Variants in COL18A1 observed in about 807,000 individuals in gnomAD.
COL18A1 encodes the protein collagen type XVIII alpha 1 chain, also known as collagen alpha-1(XVIII) chain.
A neutral mutation model predicts 168.0 loss-of-function variants in COL18A1; 133 were observed. The ratio of observed to expected loss-of-function variants is 0.79; its 90% CI spans 0.69 to 0.91. COL18A1 has a LOEUF of 0.91. COL18A1 is among the 40% of genes least tolerant of loss of function. The pLI, the probability that COL18A1 is intolerant of heterozygous loss-of-function variation, is 0.00. For synonymous variants in COL18A1, 949 were observed against 809.0 expected (o/e 1.17, Z -2.94); for missense variants, 2,126 against 1,925.4 (o/e 1.10, Z -1.95).
rs552610039 is a variant in COL18A1, at chr21:45,448,528, C to T, written c.107-19714C>T. 2.2e-3 allele frequency among the ~76,000 whole-genome samples: 331 copies of T among 152,380 alleles called. 5 individuals are homozygous for T. The highest frequency in any genetic ancestry group is 3.3e-3 in the Non-Finnish European group (224 of 68,040). ...CCATATCCACACATCCGTGTACACG[C>T]GCACACGTGTGCTTCTGCATACCCA... On this transcript the variant is annotated intron_variant, in intron 2 of 41. Coordinates refer to ENST00000651438, the MANE Select transcript of COL18A1 (RefSeq NM_001379500.1).
At chr21:45,413,861 A>G (rs1220346911) in intron 2 of COL18A1, among the ~76,000 whole-genome samples, 1 of 152,058 alleles carries the variant, frequency 6.6e-6, no homozygotes, top group African/African-American at 2.4e-5. Context: ...TAGGTGTGGG[A>G]TTGGAGGGGT....
At chr21:45,509,678 C>T in intron 39 of COL18A1, 77 bp downstream of exon 39, 3 of 846,860 alleles carry the variant, frequency 3.5e-6, no homozygotes, top group Non-Finnish European at 3.9e-6. Flanking sequence ...CCAGCCCCTG[C>T]AGAGCTGCTG....
At position 45,421,482 on chromosome 21, in the gene COL18A1, C is replaced by A. The variant is rs59864413; in HGVS notation, c.106+16009C>A. 4.3e-4 allele frequency: 231 copies of A among 534,548 alleles called. 3 individuals carry two copies. The highest frequency in any genetic ancestry group is 4.0e-3 in the African/African-American group (210 of 52,082). The allele number at this position is 534,548 out of a possible 1,614,324, so 33.1% of individuals were successfully genotyped here. A position where few individuals can be genotyped will look rare whatever the true frequency, so the allele number is the denominator to read the frequency against. On this transcript the variant is annotated intron_variant, in intron 2 of 41. Transcript: ENST00000651438. Reference sequence around the variant, plus strand: ...GCGTCTCAGGAGCGGAGCAGGACACCGCGTTTCTGGCTGTGCAAGGCTCCA... The same window carrying A: ...GCGTCTCAGGAGCGGAGCAGGACACAGCGTTTCTGGCTGTGCAAGGCTCCA...
At position 45,443,740 on chromosome 21, in the gene COL18A1, G is replaced by C. The variant is rs1338339049; in HGVS notation, c.107-24502G>C. ...AATCAAGTGCCAATTTCCTGGTGAA[G>C]AGTCTTTATGAGAGCAATGCGGCCC... On this transcript the variant is annotated intron_variant, in intron 2 of 41. Coordinates refer to ENST00000651438, the MANE Select transcript of COL18A1 (RefSeq NM_001379500.1). The surrounding 1 kb of genome is among the most constrained non-coding windows in gnomAD (Gnocchi z 5.2). Among the ~76,000 whole-genome samples the C allele has an allele frequency of 6.6e-6, 1 of 152,234 alleles. No homozygotes were observed. Among genetic ancestry groups the C allele is most frequent in the Non-Finnish European group, 1.5e-5 (1 of 68,036 alleles).
intron 3 of COL18A1, among the ~76,000 whole-genome samples, chr21:45,470,612 A>G (rs1254488121): frequency 6.7e-6 from 1 of 149,024 alleles, no homozygotes; most frequent in Admixed American, 6.7e-5. Context: ...TCAGCCTCCC[A>G]AGTAGCTGGG....
chr21:45,459,301 G>A (rs1380496455), intron 2 of COL18A1, among the ~76,000 whole-genome samples: 2 of 152,188 alleles, frequency 1.3e-5, no homozygotes, highest in Non-Finnish European at 2.9e-5. Context: ...GAGGAGGAGG[G>A]GGAGCCCAGC....
At chr21:45,508,906 G>A (rs960079614) in intron 38 of COL18A1, among the ~76,000 whole-genome samples, 11 of 152,176 alleles carry the variant, frequency 7.2e-5, no homozygotes, top group African/African-American at 2.2e-4. Context: ...CGTGGGGAAA[G>A]GTGCAGAATC....
chr21:45,430,463 G>A (rs953444209), intron 2 of COL18A1, among the ~76,000 whole-genome samples: 1 of 152,108 alleles, frequency 6.6e-6, no homozygotes, highest in Non-Finnish European at 1.5e-5. Flanking sequence ...GCTGCTTGCT[G>A]GGGAGGGGGC....
intron 32 of COL18A1, among the ~76,000 whole-genome samples, chr21:45,503,338 T>C (rs1313768736): frequency 6.6e-6 from 1 of 152,094 alleles, no homozygotes; most frequent in Non-Finnish European, 1.5e-5. Flanking sequence ...TGAGCATTTT[T>C]TCATGTGTTT....
rs540845706 is a variant in COL18A1, at chr21:45,510,745, A to G, written c.3694-366A>G. Among the ~76,000 whole-genome samples the G allele has an allele frequency of 9.9e-5, 15 of 152,178 alleles. No individual in the cohort carries two copies. The East Asian group carries it at 2.9e-3, about 30-fold the overall frequency. On this transcript the variant is annotated intron_variant, in intron 40 of 41. Transcript: ENST00000651438. ...GCCCCGGGGAGCACCCACATTCCCCAGAACCAACAGCAGAGGGGTCAGAGA... is the reference window on the plus strand; with the variant it reads ...GCCCCGGGGAGCACCCACATTCCCCGGAACCAACAGCAGAGGGGTCAGAGA...
At chr21:45,456,838 G>A (rs961647658) in intron 2 of COL18A1, 22 of 1,510,840 alleles carry the variant, frequency 1.5e-5, no homozygotes, top group African/African-American at 1.1e-4. Context: ...CCTCGCTCCC[G>A]ACCCAGGAGG....
At chr21:45,441,756 C>T (rs1256335282) in intron 2 of COL18A1, among the ~76,000 whole-genome samples, 2 of 152,392 alleles carry the variant, frequency 1.3e-5, no homozygotes, top group East Asian at 1.9e-4. Flanking sequence ...CTCACCTGTC[C>T]CCCTCAGACG....
intron 16 of COL18A1, 107 bp downstream of exon 16, chr21:45,487,099 C>T (rs2036141632): frequency 2.6e-6 from 3 of 1,142,924 alleles, no homozygotes; most frequent in Non-Finnish European, 3.6e-6. Context: ...TGGGCGGTGG[C>T]CTTGCTGGCA....
chr21:45,504,691 C>A, intron 34 of COL18A1, 135 bp downstream of exon 34: 1 of 769,434 alleles, frequency 1.3e-6, no homozygotes, highest in Non-Finnish European at 2.1e-6. Context: ...CCGACATGTC[C>A]CTGTCCCCGT....
At position 45,437,938 on chromosome 21, in the gene COL18A1, ACACT is replaced by A. The variant is rs776565195; in HGVS notation, c.107-30301_107-30298del. ...GGCACTCTCCTGCACACACACACACACACTCAGACACACAGGCACTCTCCTGCAC... is the reference window on the plus strand; with the variant it reads ...GGCACTCTCCTGCACACACACACACACAGACACACAGGCACTCTCCTGCAC... On this transcript the variant is annotated intron_variant, in intron 2 of 41. Transcript: ENST00000651438. Among the ~76,000 whole-genome samples, 489 of 73,718 alleles carry A rather than the reference ACACT, an allele frequency of 6.6e-3. 53 individuals carry two copies. Among genetic ancestry groups the A allele is most frequent in the Non-Finnish European group, 8.7e-3 (358 of 41,248 alleles). 48.4% of individuals were successfully genotyped at this position (73,718 alleles called of 152,430 possible). A position where few individuals can be genotyped will look rare whatever the true frequency, so the allele number is the denominator to read the frequency against.
rs1332468352 is a variant in COL18A1 at position 45,471,158 on chromosome 21, A to G, written c.651+2372A>G. On this transcript the variant is annotated intron_variant, in intron 3 of 41. Transcript: ENST00000651438. This position sits in a 1 kb window ranked among gnomAD's most constrained non-coding sequence, Gnocchi z 4.4. ...GTGCTGCTGGGCGTGGGTGGCGTGC[A>G]GCAGGCCGTGTGCTGCTGGGCGTGG... Among the ~76,000 whole-genome samples the G allele has an allele frequency of 6.9e-6, 1 of 144,966 alleles. No homozygotes were observed. The highest frequency in any genetic ancestry group is 2.6e-5 in the African/African-American group (1 of 38,768).
intron 2 of COL18A1, chr21:45,407,988 G>A (rs758354499): frequency 3.9e-5 from 6 of 152,262 alleles, no homozygotes; most frequent in Non-Finnish European, 8.8e-5. Flanking sequence ...CGTAGAAGGT[G>A]GTCTTGTTTC....
chr21:45,441,766 G>A (rs1204373825), intron 2 of COL18A1, among the ~76,000 whole-genome samples: 2 of 152,208 alleles, frequency 1.3e-5, no homozygotes, highest in African/African-American at 2.4e-5. Flanking sequence ...CCCCTCAGAC[G>A]CCCACCTCTG....
rs1393523281 is a variant in COL18A1 at position 45,473,835 on chromosome 21, A to G, written c.652-60A>G. The G allele has an allele frequency of 7.3e-7, 1 of 1,378,480 alleles. No homozygotes were observed. 85.4% of individuals were successfully genotyped at this position (1,378,480 alleles called of 1,614,324 possible). On this transcript the variant is annotated intron_variant, in intron 3 of 41. Coordinates refer to ENST00000651438, the MANE Select transcript of COL18A1 (RefSeq NM_001379500.1). The surrounding 1 kb of genome is among the most constrained non-coding windows in gnomAD (Gnocchi z 4.0). ...CCCCGAAATCTGGAGCTCAAGCAGC[A>G]CCGGGGTTGCCACTGCCACCTCAGG...
Sources: gnomAD v4.1 joint callset for allele counts (sites outside exome capture counted in the v4.1 genomes callset) on GRCh38, gnomAD v4.1.1 for gene constraint, Gnocchi (gnomAD v3.1) non-coding constraint, MANE v1.5 for transcripts, NCBI Gene and HGNC (gene_info 2026-07-23, HGNC 2026-07-21) for gene names.